Variants in GUCY1A2 observed in about 807,000 individuals in gnomAD.
GUCY1A2 encodes the protein guanylate cyclase 1 soluble subunit alpha 2.
A neutral mutation model predicts 63.5 loss-of-function variants in GUCY1A2; 27 were observed. The observed-to-expected ratio is 0.43, with a 90% CI of 0.31 to 0.59. The LOEUF is 0.59. GUCY1A2 is among the 20% of genes least tolerant of loss of function. GUCY1A2 has a pLI of 0.11. For missense variants in GUCY1A2, 768 were observed against 913.3 expected (o/e 0.84, Z 2.05); for synonymous variants, 364 against 343.5 (o/e 1.06, Z -0.66).
chr11:106,798,795 C>T (rs1371427376), intron 5 of GUCY1A2, among the ~76,000 whole-genome samples: 2 of 151,962 alleles, frequency 1.3e-5, no homozygotes, highest in Admixed American at 1.3e-4. Context: ...ATGACAAACC[C>T]ACAGCCAATA....
chr11:106,824,613 C>T (rs886194279), intron 4 of GUCY1A2, among the ~76,000 whole-genome samples: 5 of 152,092 alleles, frequency 3.3e-5, no homozygotes, highest in African/African-American at 1.2e-4. Context: ...GAACTTCTCT[C>T]ACAATGTAGC....
intron 6 of GUCY1A2, among the ~76,000 whole-genome samples, chr11:106,771,062 A>G (rs1159505510): frequency 6.6e-6 from 1 of 152,024 alleles, no homozygotes; most frequent in Non-Finnish European, 1.5e-5. Context: ...AATAGTTTTT[A>G]AACTAAGTAC....
chr11:106,922,384 C>T (rs906459627), intron 4 of GUCY1A2, among the ~76,000 whole-genome samples: 5 of 151,756 alleles, frequency 3.3e-5, no homozygotes, highest in African/African-American at 9.7e-5. Flanking sequence ...TAAAGAAACA[C>T]AGATGGATAG....
chr11:106,739,509 T>A (rs980939555), intron 6 of GUCY1A2, among the ~76,000 whole-genome samples: 4 of 152,184 alleles, frequency 2.6e-5, no homozygotes, highest in African/African-American at 9.7e-5. Context: ...ACTTTACTTT[T>A]TACAGATTAG....
At chr11:106,776,369 G>A in intron 6 of GUCY1A2, 70 bp downstream of exon 6, 1 of 1,243,096 alleles carries the variant, frequency 8.0e-7, no homozygotes, top group African/African-American at 1.5e-5. Flanking sequence ...GTAGAACTTG[G>A]AAGGGAATTA....
intron 4 of GUCY1A2, among the ~76,000 whole-genome samples, chr11:106,875,881 G>A (rs572433389): frequency 6.6e-6 from 1 of 151,924 alleles, no homozygotes; most frequent in Non-Finnish European, 1.5e-5. Flanking sequence ...TGGTGCCAGA[G>A]GAAATGTGGC....
rs556810369 is a variant in GUCY1A2, at chr11:106,842,780, G to C, written c.1207-32302C>G. On this transcript the variant is annotated intron_variant, in intron 4 of 7. Transcript: ENST00000526355. The stretch of plus-strand genomic sequence containing the variant: ...AGGGGCCTGTTAGAATGTAGATTTT[G>C]ATTTAGTAGGTCCCACTGGAGCTTG... 2.6e-5 allele frequency among the ~76,000 whole-genome samples: 4 copies of C among 152,032 alleles called. No individual in the cohort carries two copies. The East Asian group carries it at 7.8e-4, about 30-fold the overall frequency.
At chr11:106,880,365 C>T (rs536189559) in intron 4 of GUCY1A2, among the ~76,000 whole-genome samples, 1 of 152,088 alleles carries the variant, frequency 6.6e-6, no homozygotes, top group African/African-American at 2.4e-5. Context: ...GGGGAGGGTG[C>T]TAAGTGAAGA....
At chr11:106,720,524 C>A (rs1369137464) in intron 6 of GUCY1A2, among the ~76,000 whole-genome samples, 1 of 151,912 alleles carries the variant, frequency 6.6e-6, no homozygotes, top group Non-Finnish European at 1.5e-5. Flanking sequence ...CTTTCTTAAC[C>A]CTTTTTTTTC....
At chr11:106,844,183 C>A (rs11211944) in intron 4 of GUCY1A2, among the ~76,000 whole-genome samples, 24,204 of 151,612 alleles carry the variant, frequency 0.16, 2,341 homozygotes, top group East Asian at 0.28. Context: ...GTATTTTTAA[C>A]CTCAGGTACT....
intron 6 of GUCY1A2, among the ~76,000 whole-genome samples, chr11:106,742,352 A>T (rs999734967): frequency 2.0e-5 from 3 of 151,946 alleles, no homozygotes; most frequent in Non-Finnish European, 4.4e-5. Flanking sequence ...CTCACTACCC[A>T]CTGAAGGGCC....
chr11:106,721,898 A>G (rs1381574884), intron 6 of GUCY1A2, among the ~76,000 whole-genome samples: 2 of 152,188 alleles, frequency 1.3e-5, no homozygotes, highest in Non-Finnish European at 2.9e-5. Flanking sequence ...TTGCACCCAT[A>G]GTACCTATCA....
intron 4 of GUCY1A2, among the ~76,000 whole-genome samples, chr11:106,922,737 A>T (rs1438477752): frequency 6.9e-6 from 1 of 144,670 alleles, no homozygotes; most frequent in African/African-American, 2.6e-5. Context: ...TTTAATAAAT[A>T]TATGAGTGGT....
chr11:106,808,782 C>A (rs908111356), intron 5 of GUCY1A2, among the ~76,000 whole-genome samples: 1 of 152,094 alleles, frequency 6.6e-6, no homozygotes, highest in Middle Eastern at 3.2e-3. Flanking sequence ...CCAAATTCAG[C>A]TGATCTCCTC....
intron 4 of GUCY1A2, among the ~76,000 whole-genome samples, chr11:106,901,643 CA>C (rs1565325861): frequency 8.0e-6 from 1 of 125,462 alleles, no homozygotes; most frequent in Non-Finnish European, 1.6e-5. Context: ...TCCCTCCCCC[CA>C]CCCCACAACA....
intron 6 of GUCY1A2, among the ~76,000 whole-genome samples, chr11:106,716,479 A>G (rs1357740482): frequency 6.6e-6 from 1 of 152,138 alleles, no homozygotes; most frequent in East Asian, 1.9e-4. Context: ...TTTCCAGCCA[A>G]TAGCATTGTG....
At chr11:106,998,820 CA>C (rs2120176008) in intron 1 of GUCY1A2, among the ~76,000 whole-genome samples, 1 of 151,858 alleles carries the variant, frequency 6.6e-6, no homozygotes, top group African/African-American at 2.4e-5. Flanking sequence ...GTTTATAATC[CA>C]AAATTTAAAA....
intron 4 of GUCY1A2, among the ~76,000 whole-genome samples, chr11:106,868,250 A>C (rs1859622687): frequency 1.3e-5 from 2 of 152,102 alleles, no homozygotes; most frequent in Non-Finnish European, 2.9e-5. Context: ...TTTACAATTA[A>C]GGAAAAGTGT....
intron 4 of GUCY1A2, among the ~76,000 whole-genome samples, chr11:106,869,685 G>A (rs1048790687): frequency 6.6e-6 from 1 of 152,162 alleles, no homozygotes; most frequent in Non-Finnish European, 1.5e-5. Context: ...AACCATTGTG[G>A]AAGACAGTGT....
Sources: gnomAD v4.1 joint callset for allele counts (sites outside exome capture counted in the v4.1 genomes callset) on GRCh38, gnomAD v4.1.1 for gene constraint, MANE v1.5 for transcripts, NCBI Gene and HGNC (gene_info 2026-07-23, HGNC 2026-07-21) for gene names.